ARHGEF28: variants seen among roughly 807,000 people sequenced by gnomAD.
The protein encoded by ARHGEF28 is 190 kDa guanine nucleotide exchange factor.
Under a neutral mutation model 206.6 loss-of-function variants are expected in ARHGEF28, and 152 were observed. The ratio of observed to expected loss-of-function variants is 0.74; its 90% confidence interval spans 0.64 to 0.84. ARHGEF28 has a LOEUF of 0.84. ARHGEF28 is among the 40% of genes least tolerant of loss of function. The pLI is 0.00. For synonymous variants in ARHGEF28, 763 were observed against 776.4 expected (o/e 0.98, Z 0.29); for missense variants, 2,028 against 2,073.2 (o/e 0.98, Z 0.42).
At chr5:73,909,213 A>AC in intron 33 of ARHGEF28, 199 bp from the exon 34 acceptor site, 6 of 594,822 alleles carry the variant, frequency 1.0e-5, no homozygotes, top group Non-Finnish European at 1.6e-5. Flanking sequence ...CACAGGTCCT[A>AC]CCCCTAGGAC....
rs1462943990 is a variant in ARHGEF28 at position 73,825,638 on chromosome 5, T to C, written c.1025-6700T>C. ...CCAAGAGTAGGAGCAGAGAGACTACTGTTGTAACAGTTTAGGAAGAAGACC... is the reference window on the plus strand; with the variant it reads ...CCAAGAGTAGGAGCAGAGAGACTACCGTTGTAACAGTTTAGGAAGAAGACC... On this transcript the variant is annotated intron_variant, in intron 9 of 35. Coordinates refer to ENST00000513042, the MANE Select transcript of ARHGEF28 (RefSeq NM_001177693.2). Among the ~76,000 whole-genome samples, 4 of 152,218 alleles carry C rather than the reference T, an allele frequency of 2.6e-5. No individual in the cohort carries two copies. In the East Asian group the frequency reaches 7.7e-4, roughly 29 times the overall value.
chr5:73,743,340 G>T (rs923360407), intron 2 of ARHGEF28, among the ~76,000 whole-genome samples: 7 of 151,992 alleles, frequency 4.6e-5, no homozygotes, highest in African/African-American at 1.7e-4. Context: ...CTGGTATTTT[G>T]TTACATTTAT....
intron 7 of ARHGEF28, chr5:73,786,318 A>G (rs1754156297): frequency 6.6e-6 from 1 of 152,182 alleles, no homozygotes; most frequent in Non-Finnish European, 1.5e-5. Flanking sequence ...TATGTAACTT[A>G]CCTGAGGTGA....
At chr5:73,628,670 A>G (rs1235956816) in intron 1 of ARHGEF28, among the ~76,000 whole-genome samples, 1 of 152,210 alleles carries the variant, frequency 6.6e-6, no homozygotes, top group Non-Finnish European at 1.5e-5. Context: ...GGCAACTCCT[A>G]CTGAGGATGT....
chr5:73,655,500 T>C (rs1745133821), intron 1 of ARHGEF28, among the ~76,000 whole-genome samples: 1 of 152,046 alleles, frequency 6.6e-6, no homozygotes, highest in South Asian at 2.1e-4. Context: ...TCCAGTGGGG[T>C]TTGTAAGAAG....
At chr5:73,757,099 T>C (rs1258498072) in intron 4 of ARHGEF28, among the ~76,000 whole-genome samples, 1 of 152,250 alleles carries the variant, frequency 6.6e-6, no homozygotes, top group African/African-American at 2.4e-5. Context: ...TAATAGAGTT[T>C]TAATCTAAGC....
intron 1 of ARHGEF28, among the ~76,000 whole-genome samples, chr5:73,653,830 C>G (rs150299155): frequency 1.4e-4 from 21 of 152,298 alleles, no homozygotes; most frequent in African/African-American, 4.6e-4. Flanking sequence ...CTGTTCCCCC[C>G]CGTCATGGCA....
At chr5:73,741,385 G>GTGTGTGTATGTATATA (rs1561371055) in intron 2 of ARHGEF28, among the ~76,000 whole-genome samples, 1 of 21,862 alleles carries the variant, frequency 4.6e-5, no homozygotes, top group African/African-American at 2.5e-4. Flanking sequence ...GTGTGTGTGT[G>GTGTGTGTATGTATATA]TATATATATA....
intron 2 of ARHGEF28, among the ~76,000 whole-genome samples, chr5:73,715,751 G>A (rs115963703): frequency 2.9e-3 from 443 of 152,302 alleles, no homozygotes; most frequent in Admixed American, 5.0e-3. Flanking sequence ...TGCTACTATC[G>A]TGATACGCTG....
intron 2 of ARHGEF28, among the ~76,000 whole-genome samples, chr5:73,713,978 G>T (rs1430318708): frequency 6.6e-6 from 1 of 152,174 alleles, no homozygotes; most frequent in African/African-American, 2.4e-5. Context: ...GAAAGAAAGA[G>T]GCTAAACATA....
At chr5:73,878,655 A>T (rs1047434147) in intron 22 of ARHGEF28, among the ~76,000 whole-genome samples, 15 of 150,744 alleles carry the variant, frequency 1.0e-4, no homozygotes, top group African/African-American at 3.7e-4. Flanking sequence ...GCTTGTCTGT[A>T]AAGTATTTTA....
At chr5:73,781,848 TA>T (rs1474683972) in intron 7 of ARHGEF28, among the ~76,000 whole-genome samples, 2 of 152,210 alleles carry the variant, frequency 1.3e-5, no homozygotes, top group African/African-American at 4.8e-5. Context: ...TATATGTATC[TA>T]GGGGGTAGAG....
intron 10 of ARHGEF28, among the ~76,000 whole-genome samples, chr5:73,836,948 T>C (rs1171069679): frequency 6.6e-6 from 1 of 152,202 alleles, no homozygotes; most frequent in Non-Finnish European, 1.5e-5. Context: ...TTTAGCACAT[T>C]TGTTGAAGAT....
intron 17 of ARHGEF28, 103 bp from the exon 18 acceptor site, chr5:73,865,862 A>G (rs1759672075): frequency 1.2e-6 from 1 of 864,932 alleles, no homozygotes; most frequent in Non-Finnish European, 1.8e-6. Flanking sequence ...AAAATAACAA[A>G]AATGATATAG....
At chr5:73,765,414 G>A (rs893657383) in intron 4 of ARHGEF28, among the ~76,000 whole-genome samples, 1 of 152,134 alleles carries the variant, frequency 6.6e-6, no homozygotes, top group Non-Finnish European at 1.5e-5. Flanking sequence ...GGTGAGCCAC[G>A]GCTCCCAGTC....
At chr5:73,926,670 G>T (rs1463496617) in intron 35 of ARHGEF28, among the ~76,000 whole-genome samples, 3 of 152,262 alleles carry the variant, frequency 2.0e-5, no homozygotes, top group Middle Eastern at 3.4e-3. Flanking sequence ...AGCTTTCAAG[G>T]CTCAGTTCAT....
At chr5:73,917,245 T>A (rs892766953) in intron 35 of ARHGEF28, among the ~76,000 whole-genome samples, 1 of 152,196 alleles carries the variant, frequency 6.6e-6, no homozygotes, top group South Asian at 2.1e-4. Flanking sequence ...GAGATATATA[T>A]AGGAGTCTGA....
At chr5:73,752,806 G>A in intron 3 of ARHGEF28, 103 bp from the exon 4 acceptor site, 1 of 1,318,326 alleles carries the variant, frequency 7.6e-7, no homozygotes, top group Non-Finnish European at 1.0e-6. Context: ...TTCTCCTGGA[G>A]CGTGTTGTCT....
At chr5:73,723,429 A>G (rs1422406413) in intron 2 of ARHGEF28, among the ~76,000 whole-genome samples, 2 of 151,782 alleles carry the variant, frequency 1.3e-5, no homozygotes, top group Non-Finnish European at 2.9e-5. Context: ...CTCATGATCT[A>G]CCCTCCTTGG....
Sources: allele counts gnomAD v4.1 joint callset (sites outside exome capture counted in the v4.1 genomes callset), GRCh38; gene constraint gnomAD v4.1.1; transcripts MANE v1.5; gene names NCBI Gene and HGNC (gene_info 2026-07-23, HGNC 2026-07-21).